The following SUN1 variants were observed in gnomAD, a reference collection of about 807,000 sequenced individuals.
SUN1 encodes the protein Sad1 and UNC84 domain containing 1.
A neutral mutation model predicts 103.2 loss-of-function variants in SUN1; 61 were observed. The observed-to-expected ratio is 0.59, with a 90% CI of 0.48 to 0.73. SUN1 has a LOEUF of 0.73. SUN1 is among the 30% of genes least tolerant of loss of function. The pLI is 0.00. For missense variants in SUN1, 1,052 were observed against 1,034.6 expected, an observed-to-expected ratio of 1.02 and a Z score of -0.23; for synonymous variants, 490 against 425.7, an observed-to-expected ratio of 1.15 and a Z score of -1.86.
intron 12 of SUN1, among the ~76,000 whole-genome samples, chr7:857,424 G>A (rs1206795190): frequency 6.6e-6 from 1 of 152,144 alleles, no homozygotes; most frequent in Middle Eastern, 3.2e-3. Context: ...ATGTGTGCCT[G>A]TAAAGACCTC....
At chr7:851,662 C>T (rs932940953) in intron 6 of SUN1, 180 bp downstream of exon 6, 21 of 681,206 alleles carry the variant, frequency 3.1e-5, no homozygotes, top group African/African-American at 5.4e-5. Context: ...GCTGCATGAG[C>T]GCCCTTGGTT....
chr7:819,468 T>G (rs1340311482), intron 1 of SUN1, among the ~76,000 whole-genome samples: 2 of 152,176 alleles, frequency 1.3e-5, no homozygotes, highest in Non-Finnish European at 2.9e-5. Context: ...AGTTTATCAT[T>G]TTAGCTCTTG....
At chr7:819,751 C>T (rs1187119017) in intron 1 of SUN1, among the ~76,000 whole-genome samples, 5 of 151,012 alleles carry the variant, frequency 3.3e-5, no homozygotes, top group African/African-American at 1.2e-4. Context: ...CCCTGTCGCC[C>T]AGGCTGGAGT....
Position 843,216 on chromosome 7 carries a change from T to G in SUN1, c.462T>G (p.Asp154Glu). The change falls in exon 4 of 19, where the codon GAT (aspartate) becomes GAG (glutamate). Residue 154 changes from aspartate (D) to glutamate (E), a missense_variant. Asp to Glu is a conservative substitution (Grantham distance 45). Transcript: ENST00000401592. ...TTVDHFWGLD[D>E]DGDLKGGNKA... ...TGTTTTTTTTTTTAGGTCTTGATGA[T>G]GATGGTGATCTTAAAGGTAATTATT... 3 of 1,609,224 alleles carry G rather than the reference T, an allele frequency of 1.9e-6. No homozygotes were observed. In the South Asian group the frequency reaches 3.3e-5, roughly 18 times the overall value.
chr7:874,645 G>A lies in SUN1; in HGVS notation c.*1314G>A, dbSNP rs1373041277. The stretch of plus-strand genomic sequence containing the variant: ...GAATTGGAACTATGCAGTTAAGGCA[G>A]ATAAAATGTACAGATGTTTCATATA... On this transcript the variant is annotated 3_prime_UTR_variant, in exon 19 of 19. Coordinates refer to ENST00000401592, the MANE Select transcript of SUN1 (RefSeq NM_001130965.3). 1 of 152,150 alleles carries A rather than the reference G, an allele frequency of 6.6e-6. No individual in the cohort carries two copies. Among genetic ancestry groups the A allele is most frequent in the Non-Finnish European group, 1.5e-5 (1 of 68,028 alleles). 9.4% of individuals were successfully genotyped at this position (152,150 alleles called of 1,614,324 possible).
chr7:832,641 GC>G, intron 1 of SUN1, 40 bp downstream of exon 1: 1 of 1,547,408 alleles, frequency 6.5e-7, no homozygotes, highest in Non-Finnish European at 8.9e-7. Context: ...GCCTTGCAAT[GC>G]CCACTCGCTG....
At chr7:850,518 A>G (rs1466651612) in intron 5 of SUN1, 1 of 157,668 alleles carries the variant, frequency 6.3e-6, no homozygotes, top group Non-Finnish European at 1.4e-5. Context: ...CTCACCTGCT[A>G]ATGAATAAAC....
chr7:828,163 C>A (rs1199533408), upstream of SUN1, among the ~76,000 whole-genome samples: 1 of 152,138 alleles, frequency 6.6e-6, no homozygotes, highest in Non-Finnish European at 1.5e-5. Flanking sequence ...CTCGCCCTCC[C>A]AAAGTGTTGG....
rs370786270 is a variant in SUN1 at position 842,036 on chromosome 7, C to G, written c.357C>G (p.Gly119=). 1.9e-6 allele frequency: 3 copies of G among 1,614,100 alleles called. No individual in the cohort carries two copies. In the African/African-American group the frequency reaches 4.0e-5, roughly 22 times the overall value. Reference sequence around the variant, plus strand: ...TCACGTCCTCTGGCGTCAGCCACGGCGGCACTGTCAGCCTGCAGGATGCTG... The same window carrying G: ...TCACGTCCTCTGGCGTCAGCCACGGGGGCACTGTCAGCCTGCAGGATGCTG... ...RQVTSSGVSH[G]GTVSLQDAVT... is the part of the protein sequence containing the mutation. The change falls in exon 3 of 19, where the codon GGC becomes GGG. Residue 119 remains glycine (G), a synonymous_variant. Transcript: ENST00000401592.
At chr7:871,149 A>C (rs916651513) in intron 17 of SUN1, among the ~76,000 whole-genome samples, 1 of 152,052 alleles carries the variant, frequency 6.6e-6, no homozygotes, top group Non-Finnish European at 1.5e-5. Context: ...AATTTCTGCT[A>C]ACTTGATAGG....
intron 1 of SUN1, chr7:816,784 C>T (rs1780836727): frequency 6.8e-6 from 1 of 147,784 alleles, no homozygotes; most frequent in African/African-American, 2.4e-5. Flanking sequence ...GCCTGGGCGC[C>T]CTCAGCGCGG....
chr7:838,381 C>G (rs1339212168), intron 1 of SUN1, among the ~76,000 whole-genome samples: 5 of 152,194 alleles, frequency 3.3e-5, no homozygotes, highest in African/African-American at 1.2e-4. Flanking sequence ...GGCCTCCTCT[C>G]CTGCGTGGAT....
intron 17 of SUN1, among the ~76,000 whole-genome samples, chr7:870,784 G>A (rs1840980496): frequency 6.6e-6 from 1 of 152,046 alleles, no homozygotes; most frequent in South Asian, 2.1e-4. Flanking sequence ...TAATTCCCGT[G>A]GACGAGACAC....
chr7:844,037 A>G (rs536965722), intron 5 of SUN1, among the ~76,000 whole-genome samples: 20 of 152,362 alleles, frequency 1.3e-4, no homozygotes, highest in Non-Finnish European at 2.9e-4. Context: ...GTTCTGGGAC[A>G]GCAGCAGTCA....
chr7:848,282 G>C (rs1818479979), intron 5 of SUN1: 22 of 750,324 alleles, frequency 2.9e-5, no homozygotes, highest in South Asian at 1.9e-4. Context: ...ACTGCCAGCT[G>C]GGCTCTTCCC....
chr7:834,469 T>A (rs2128236247), intron 1 of SUN1, among the ~76,000 whole-genome samples: 1 of 152,300 alleles, frequency 6.6e-6, no homozygotes, highest in East Asian at 1.9e-4. Flanking sequence ...AGGGCTGGTC[T>A]GGACATCAGT....
At chr7:852,516 G>A in intron 7 of SUN1, 93 bp from the exon 8 acceptor site, 1 of 1,492,672 alleles carries the variant, frequency 6.7e-7, no homozygotes, top group Admixed American at 1.7e-5. Flanking sequence ...TGGGGGGGTG[G>A]ATTTTGCACA....
At chr7:821,158 CTTTTTTTTT>C (rs71546461) in intron 1 of SUN1, among the ~76,000 whole-genome samples, 16 of 68,996 alleles carry the variant, frequency 2.3e-4, no homozygotes, top group African/African-American at 9.3e-4. Flanking sequence ...TTCAGCACAT[CTTTTTTTTT>C]TTTTTTTTTT....
Position 873,333 on chromosome 7 carries a change from G to A in SUN1, c.*2G>A, listed in dbSNP as rs758588576. The A allele has an allele frequency of 8.1e-6, 13 of 1,612,142 alleles. No homozygotes were observed. The East Asian group carries it at 2.7e-4, about 33-fold the overall frequency. On this transcript the variant is annotated 3_prime_UTR_variant, in exon 19 of 19. Transcript: ENST00000401592. ...GTTCATGGCGAACCTGTCAAGTGAAGACACTACTCATTATTTTTGTACATT... is the reference window on the plus strand; with the variant it reads ...GTTCATGGCGAACCTGTCAAGTGAAAACACTACTCATTATTTTTGTACATT...
Sources: gnomAD v4.1 joint callset for allele counts (sites outside exome capture counted in the v4.1 genomes callset) on GRCh38, gnomAD v4.1.1 for gene constraint, MANE v1.5 for transcripts, NCBI Gene and HGNC (gene_info 2026-07-23, HGNC 2026-07-21) for gene names.